Variants in ARHGAP8 observed in about 807,000 individuals in gnomAD.
ARHGAP8 encodes the protein rho GTPase-activating protein 8.
ARHGAP8 carries 62 observed loss-of-function variants against 46.1 expected under a neutral mutation model. The ratio of observed to expected loss-of-function variants is 1.34; its 90% CI spans 1.10 to 1.66. The LOEUF (loss-of-function observed/expected upper bound fraction) is 1.66, where lower values mean the gene tolerates loss of function less well. Ranked by LOEUF, ARHGAP8 falls within the 40% of genes most tolerant of loss-of-function variation. The pLI, the probability that ARHGAP8 is intolerant of heterozygous loss-of-function variation, is 0.00. For synonymous variants in ARHGAP8, 375 were observed against 243.1 expected, an observed-to-expected ratio of 1.54 and a Z score of -5.05; for missense variants, 923 against 568.4, an observed-to-expected ratio of 1.62 and a Z score of -6.34.
intron 2 of ARHGAP8, among the ~76,000 whole-genome samples, chr22:44,794,893 G>A (rs2147065472): frequency 6.6e-6 from 1 of 151,746 alleles, no homozygotes; most frequent in East Asian, 1.9e-4. Flanking sequence ...CTATTGATAT[G>A]AGCCAGGTGC....
intron 4 of ARHGAP8, among the ~76,000 whole-genome samples, chr22:44,814,453 G>A (rs374905161): frequency 2.0e-5 from 3 of 152,192 alleles, no homozygotes; most frequent in Non-Finnish European, 4.4e-5. Flanking sequence ...GTGCCTCGGC[G>A]AACTAAAGCG....
chr22:44,800,994 T>C (rs376232772), intron 2 of ARHGAP8, among the ~76,000 whole-genome samples: 5 of 15,898 alleles, frequency 3.1e-4, no homozygotes, highest in Admixed American at 7.2e-4. Flanking sequence ...GGGGGCCGCC[T>C]CTCCCCGCAG....
intron 1 of ARHGAP8, among the ~76,000 whole-genome samples, chr22:44,767,001 G>A (rs1397239349): frequency 2.6e-5 from 4 of 152,200 alleles, no homozygotes; most frequent in Non-Finnish European, 4.4e-5. Flanking sequence ...AAACCAAAAA[G>A]TCTGGGCTTA....
At chr22:44,783,396 C>T (rs1333023292) in intron 1 of ARHGAP8, among the ~76,000 whole-genome samples, 1 of 152,154 alleles carries the variant, frequency 6.6e-6, no homozygotes, top group Non-Finnish European at 1.5e-5. Context: ...CCAGGACCCA[C>T]ACCCGGAGCT....
intron 10 of ARHGAP8, among the ~76,000 whole-genome samples, chr22:44,857,586 C>A (rs6007332): frequency 6.6e-6 from 1 of 151,956 alleles, no homozygotes; most frequent in Non-Finnish European, 1.5e-5. Flanking sequence ...GGAAGTGCGA[C>A]GGACAGGGGA....
rs747404579 is a variant in ARHGAP8 at position 44,825,459 on chromosome 22, T to C, written c.486-24T>C. 3 of 1,599,684 alleles carry C rather than the reference T, an allele frequency of 1.9e-6. No individual in the cohort carries two copies. In the South Asian group the frequency reaches 3.3e-5, roughly 18 times the overall value. ...TGCCAGCTGCCCCTGCCAGGTGAGA[T>C]CCCAGCCTCTGTTGTGTCTACAGGT... On this transcript the variant is annotated intron_variant, in intron 6 of 11. Transcript: ENST00000356099.
chr22:44,854,931 C>T (rs2070185062), intron 10 of ARHGAP8, among the ~76,000 whole-genome samples: 2 of 152,214 alleles, frequency 1.3e-5, no homozygotes, highest in Non-Finnish European at 2.9e-5. Flanking sequence ...CAGGCGTGAG[C>T]CACCGTGCCC....
intron 11 of ARHGAP8, among the ~76,000 whole-genome samples, chr22:44,860,221 A>G (rs993331493): frequency 6.6e-6 from 1 of 152,094 alleles, no homozygotes; most frequent in Non-Finnish European, 1.5e-5. Context: ...TGGGGAAGGG[A>G]TACACCCAGA....
chr22:44,789,341 G>C (rs898453944), intron 2 of ARHGAP8, among the ~76,000 whole-genome samples: 2 of 152,110 alleles, frequency 1.3e-5, no homozygotes, highest in South Asian at 4.1e-4. Flanking sequence ...AGCAGAGACA[G>C]GGTTTTGCCA....
At chr22:44,786,432 C>T (rs754968006) in intron 1 of ARHGAP8, 25 bp from the exon 2 acceptor site, 3 of 1,558,628 alleles carry the variant, frequency 1.9e-6, no homozygotes, top group South Asian at 2.4e-5. Flanking sequence ...AATGCACTGA[C>T]TTCCTTTAAT....
rs540758148 is a variant in ARHGAP8, at chr22:44,825,473, G to T, written c.486-10G>T. Reference sequence around the variant, plus strand: ...GCCAGGTGAGATCCCAGCCTCTGTTGTGTCTACAGGTACGATGAGAAGCTC... The same window carrying T: ...GCCAGGTGAGATCCCAGCCTCTGTTTTGTCTACAGGTACGATGAGAAGCTC... On this transcript the variant is annotated splice_polypyrimidine_tract_variant and intron_variant, in intron 6 of 11. Coordinates refer to ENST00000356099, the MANE Select transcript of ARHGAP8 (RefSeq NM_181335.3). The T allele has an allele frequency of 3.1e-6, 5 of 1,609,268 alleles. No homozygotes were observed. The Admixed American group carries it at 8.4e-5, about 27-fold the overall frequency.
intron 11 of ARHGAP8, among the ~76,000 whole-genome samples, chr22:44,860,417 T>TC (rs141902540): frequency 0.017 from 2,532 of 151,894 alleles, 56 homozygotes; most frequent in African/African-American, 0.048. Flanking sequence ...TGCCTCCAGC[T>TC]CCCCCCTGGC....
intron 1 of ARHGAP8, among the ~76,000 whole-genome samples, chr22:44,774,617 G>A (rs1926283929): frequency 6.6e-6 from 1 of 151,152 alleles, no homozygotes; most frequent in Non-Finnish European, 1.5e-5. Context: ...CTGCCTCCCG[G>A]GTTCAAGTGA....
chr22:44,802,931 G>GT (rs1360981420), intron 3 of ARHGAP8, among the ~76,000 whole-genome samples: 1 of 152,220 alleles, frequency 6.6e-6, no homozygotes, highest in Non-Finnish European at 1.5e-5. Context: ...ACACTCTGAG[G>GT]TTTTGGGTGG....
intron 10 of ARHGAP8, 87 bp from the exon 11 acceptor site, chr22:44,859,644 C>A (rs757275485): frequency 1.4e-6 from 2 of 1,435,678 alleles, no homozygotes; most frequent in Non-Finnish European, 1.9e-6. Context: ...AGCTGTCCTT[C>A]CTACACCCCT....
intron 6 of ARHGAP8, 95 bp downstream of exon 6, chr22:44,822,564 C>T (rs1238105242): frequency 7.9e-6 from 9 of 1,142,342 alleles, no homozygotes; most frequent in Non-Finnish European, 8.3e-6. Flanking sequence ...GCTTGATTTC[C>T]AAATGTGTGC....
At chr22:44,857,859 A>G (rs1740570664) in intron 10 of ARHGAP8, among the ~76,000 whole-genome samples, 1 of 152,060 alleles carries the variant, frequency 6.6e-6, no homozygotes, top group Admixed American at 6.5e-5. Context: ...TTGCTCCCTC[A>G]TAGGGAGTGC....
At chr22:44,797,049 G>T (rs1602188592) in intron 2 of ARHGAP8, among the ~76,000 whole-genome samples, 1 of 152,194 alleles carries the variant, frequency 6.6e-6, no homozygotes, top group East Asian at 1.9e-4. Flanking sequence ...CTTTCCCCTG[G>T]ACCCTGGGGC....
chr22:44,802,131 C>T lies in ARHGAP8; in HGVS notation c.134C>T (p.Pro45Leu), dbSNP rs371309902. 1.9e-6 allele frequency: 3 copies of T among 1,613,884 alleles called. No homozygotes were observed. The highest frequency in any genetic ancestry group is 2.7e-5 in the African/African-American group (2 of 74,898). Reference protein sequence around the residue: ...VVTFSCCRMPPSHELDHQRLL... With the variant: ...VVTFSCCRMPLSHELDHQRLL... ...ACGTTCAGCTGCTGCCGGATGCCACCCTCCCACGAGCTGGACCACCAGCGG... is the reference window on the plus strand; with the variant it reads ...ACGTTCAGCTGCTGCCGGATGCCACTCTCCCACGAGCTGGACCACCAGCGG... The change falls in exon 3 of 12, where the codon CCC (proline) becomes CTC (leucine). Residue 45 changes from proline to leucine, a missense_variant. Coordinates refer to ENST00000356099, the MANE Select transcript of ARHGAP8 (RefSeq NM_181335.3).
Sources: allele counts gnomAD v4.1 joint callset (sites outside exome capture counted in the v4.1 genomes callset), GRCh38; gene constraint gnomAD v4.1.1; transcripts MANE v1.5; gene names NCBI Gene and HGNC (gene_info 2026-07-23, HGNC 2026-07-21).